Variants in ANKRD31 observed in about 807,000 individuals in gnomAD.
The protein encoded by ANKRD31 is ankyrin repeat domain 31.
Under a neutral mutation model 186.0 loss-of-function variants are expected in ANKRD31, and 147 were observed. The ratio of observed to expected loss-of-function variants is 0.79; its 90% CI spans 0.69 to 0.91. ANKRD31 has a LOEUF of 0.91. Among genes scored for constraint, ANKRD31 ranks in the 40% least tolerant of loss-of-function variants. The pLI, the probability that ANKRD31 is intolerant of heterozygous loss-of-function variation, is 0.00. For missense variants in ANKRD31, 1,986 were observed against 2,148.8 expected, an observed-to-expected ratio of 0.92 and a Z score of 1.50; for synonymous variants, 673 against 736.4, an observed-to-expected ratio of 0.91 and a Z score of 1.39.
intron 11 of ANKRD31, among the ~76,000 whole-genome samples, chr5:75,154,681 G>C (rs192760940): frequency 4.6e-5 from 7 of 152,206 alleles, no homozygotes; most frequent in African/African-American, 4.8e-5. Context: ...GGCAAGAAAG[G>C]CTGAGGTAGA....
intron 5 of ANKRD31, among the ~76,000 whole-genome samples, chr5:75,201,121 A>G (rs559124562): frequency 6.6e-6 from 1 of 152,244 alleles, no homozygotes. Flanking sequence ...TTCAGGGGGA[A>G]AAAGAAGCAT....
chr5:75,208,840 C>T (rs1397328859), intron 4 of ANKRD31, among the ~76,000 whole-genome samples: 1 of 152,214 alleles, frequency 6.6e-6, no homozygotes, highest in African/African-American at 2.4e-5. Context: ...CCTCCATCTC[C>T]TCTTCCCCTA....
chr5:75,080,509 A>T (rs73127353), intron 25 of ANKRD31, 59 bp downstream of exon 25: 1 of 1,173,780 alleles, frequency 8.5e-7, no homozygotes, highest in African/African-American at 1.5e-5. Flanking sequence ...TTTGCACAAT[A>T]TGTAGAATCT....
chr5:75,231,525 A>G (rs945899372), intron 1 of ANKRD31, among the ~76,000 whole-genome samples: 4 of 152,234 alleles, frequency 2.6e-5, no homozygotes, highest in Admixed American at 1.3e-4. Flanking sequence ...ATATGCCATG[A>G]GTATGCTATT....
intron 25 of ANKRD31, 86 bp from the exon 26 acceptor site, chr5:75,068,750 C>A: frequency 7.4e-7 from 1 of 1,357,316 alleles, no homozygotes; most frequent in South Asian, 1.7e-5. Flanking sequence ...AGAATCCAAT[C>A]AAGTCTATTT....
At chr5:75,151,434 G>T (rs1751832896) in intron 12 of ANKRD31, among the ~76,000 whole-genome samples, 1 of 151,980 alleles carries the variant, frequency 6.6e-6, no homozygotes, top group Admixed American at 6.6e-5. Flanking sequence ...TTCTCATGCT[G>T]TTCTCCTGAT....
At chr5:75,162,519 C>G (rs1180323564) in intron 11 of ANKRD31, among the ~76,000 whole-genome samples, 1 of 152,114 alleles carries the variant, frequency 6.6e-6, no homozygotes, top group Non-Finnish European at 1.5e-5. Flanking sequence ...CTGTGGACTT[C>G]TGAGTTAATG....
chr5:75,114,988 C>A (rs1420071141), intron 19 of ANKRD31, among the ~76,000 whole-genome samples: 1 of 152,184 alleles, frequency 6.6e-6, no homozygotes, highest in African/African-American at 2.4e-5. Context: ...GGAGGCATCA[C>A]ACTACCTGAC....
chr5:75,231,736 T>C (rs930988287), intron 1 of ANKRD31, among the ~76,000 whole-genome samples: 1 of 152,112 alleles, frequency 6.6e-6, no homozygotes, highest in Non-Finnish European at 1.5e-5. Context: ...TGGCTGTTTA[T>C]GAAAAATGAA....
At chr5:75,129,786 G>A (rs60311862) in intron 17 of ANKRD31, among the ~76,000 whole-genome samples, 7,443 of 152,220 alleles carry the variant, frequency 0.049, 445 homozygotes, top group African/African-American at 0.14. Context: ...GGGGCTTGTC[G>A]GACAGTGGGT....
intron 10 of ANKRD31, among the ~76,000 whole-genome samples, chr5:75,173,201 A>C (rs930065528): frequency 2.0e-5 from 3 of 152,228 alleles, no homozygotes; most frequent in African/African-American, 7.2e-5. Flanking sequence ...TTCATGCTAA[A>C]AACTCTCAAT....
intron 1 of ANKRD31, among the ~76,000 whole-genome samples, chr5:75,235,286 C>T (rs1479413214): frequency 2.1e-5 from 3 of 141,458 alleles, no homozygotes; most frequent in African/African-American, 8.0e-5. Context: ...CACTCTGTCG[C>T]CCAGGCTGGA....
intron 22 of ANKRD31, among the ~76,000 whole-genome samples, chr5:75,101,861 A>T (rs1746916954): frequency 6.6e-6 from 1 of 152,150 alleles, no homozygotes; most frequent in Admixed American, 6.5e-5. Flanking sequence ...CTTCTTTGCG[A>T]TGGGTTCGAA....
At chr5:75,128,796 G>A (rs192108752) in intron 17 of ANKRD31, among the ~76,000 whole-genome samples, 1 of 151,994 alleles carries the variant, frequency 6.6e-6, no homozygotes, top group African/African-American at 2.4e-5. Flanking sequence ...TTACAGGCAT[G>A]AGCCAACATG....
In ANKRD31 at chr5:75,175,636, TACCTCAGAAAAC is replaced by T. The variant is rs1219717453; in HGVS notation, c.1565-6527_1565-6516del. Among the ~76,000 whole-genome samples the T allele has an allele frequency of 6.4e-5, 8 of 125,218 alleles. No homozygotes were observed. The South Asian group carries it at 2.3e-3, about 36-fold the overall frequency. The allele number at this position is 125,218 out of a possible 152,430, so 82.1% of individuals were successfully genotyped here. ...TTTGTAGTTCACTATATGAAAATGTTACCTCAGAAAACACACACACACACACACACACACACA... is the reference window on the plus strand; with the variant it reads ...TTTGTAGTTCACTATATGAAAATGTTACACACACACACACACACACACACA... On this transcript the variant is annotated intron_variant, in intron 10 of 25. Coordinates refer to ENST00000506364, the MANE Select transcript of ANKRD31 (RefSeq NM_001372053.1).
At chr5:75,234,858 G>T (rs1758161983) in intron 1 of ANKRD31, among the ~76,000 whole-genome samples, 1 of 148,964 alleles carries the variant, frequency 6.7e-6, no homozygotes. Context: ...TTACATCTTT[G>T]ATTCATATGG....
chr5:75,208,546 T>C lies in ANKRD31; in HGVS notation c.327-2059A>G, dbSNP rs75098269. ...TAAAATGGTCTTAAAATCCCCTCCC[T>C]AGGAATCTCATTAAACAACCAGGAA... On this transcript the variant is annotated intron_variant, in intron 4 of 25. Transcript: ENST00000506364. Among the ~76,000 whole-genome samples, 149 of 152,160 alleles carry C rather than the reference T, an allele frequency of 9.8e-4. 2 individuals carry two copies. In the East Asian group the frequency reaches 0.023, roughly 23 times the overall value.
intron 22 of ANKRD31, among the ~76,000 whole-genome samples, chr5:75,099,498 A>T (rs932152385): frequency 2.0e-5 from 3 of 152,200 alleles, no homozygotes; most frequent in Admixed American, 2.0e-4. Context: ...ATAGTTTCAG[A>T]AGGAATGATA....
At chr5:75,138,345 C>A (rs1750758614) in intron 16 of ANKRD31, among the ~76,000 whole-genome samples, 1 of 152,168 alleles carries the variant, frequency 6.6e-6, no homozygotes, top group Middle Eastern at 3.2e-3. Context: ...TGCCACATTT[C>A]TCTTTAAAAT....
Sources: allele counts gnomAD v4.1 joint callset (sites outside exome capture counted in the v4.1 genomes callset), GRCh38; gene constraint gnomAD v4.1.1; transcripts MANE v1.5; gene names NCBI Gene and HGNC (gene_info 2026-07-23, HGNC 2026-07-21).